The following RALYL variants were observed in gnomAD, a reference collection of about 807,000 sequenced individuals.
The protein encoded by RALYL is RNA-binding Raly-like protein.
Under a neutral mutation model 35.1 loss-of-function variants are expected in RALYL, and 29 were observed. That is an observed-to-expected ratio of 0.83 (90% CI 0.61 to 1.13). RALYL has a LOEUF of 1.13. Among genes scored for constraint, RALYL ranks in the 50% most tolerant of loss-of-function variants. RALYL has a pLI of 0.00. For missense variants in RALYL, 359 were observed against 360.4 expected (o/e 1.00, Z 0.03); for synonymous variants, 120 against 127.6 (o/e 0.94, Z 0.40).
chr8:84,254,420 C>T (rs1165038789), intron 1 of RALYL, among the ~76,000 whole-genome samples: 1 of 152,068 alleles, frequency 6.6e-6, no homozygotes, highest in Admixed American at 6.6e-5. Flanking sequence ...GAAATTTTGT[C>T]TCCTTGGCTA....
At chr8:84,478,184 T>C (rs1394207868) in intron 1 of RALYL, among the ~76,000 whole-genome samples, 4 of 152,140 alleles carry the variant, frequency 2.6e-5, no homozygotes, top group African/African-American at 7.2e-5. Flanking sequence ...ATTTACTTTA[T>C]GTTGATACAT....
chr8:84,342,927 T>A (rs1328957463), intron 1 of RALYL, among the ~76,000 whole-genome samples: 1 of 152,050 alleles, frequency 6.6e-6, no homozygotes, highest in Non-Finnish European at 1.5e-5. Flanking sequence ...CATAATAGAA[T>A]TATGCCAATC....
At chr8:84,673,445 C>T (rs534035427) in intron 2 of RALYL, among the ~76,000 whole-genome samples, 4 of 151,970 alleles carry the variant, frequency 2.6e-5, no homozygotes, top group Non-Finnish European at 4.4e-5. Flanking sequence ...AATTTTTGCT[C>T]GTACCTATAT....
chr8:84,574,001 T>G (rs1808705634), intron 2 of RALYL, among the ~76,000 whole-genome samples: 1 of 152,040 alleles, frequency 6.6e-6, no homozygotes, highest in African/African-American at 2.4e-5. Context: ...ATTACAAATT[T>G]TAGATTCTTC....
intron 2 of RALYL, among the ~76,000 whole-genome samples, chr8:84,646,905 A>G (rs978780369): frequency 3.3e-5 from 5 of 151,984 alleles, no homozygotes; most frequent in South Asian, 2.1e-4. Context: ...TCTCACTTTG[A>G]TGATGATTTT....
At chr8:84,528,124 CTTA>C (rs2059031829) in intron 1 of RALYL, among the ~76,000 whole-genome samples, 1 of 152,082 alleles carries the variant, frequency 6.6e-6, no homozygotes, top group Admixed American at 6.6e-5. Flanking sequence ...ATCAGATGCA[CTTA>C]TTTTTGTAGC....
intron 2 of RALYL, among the ~76,000 whole-genome samples, chr8:84,732,259 C>G (rs1279843702): frequency 6.6e-6 from 1 of 152,032 alleles, no homozygotes; most frequent in African/African-American, 2.4e-5. Context: ...CAACATAGAA[C>G]AGGTATTCAG....
At chr8:84,608,396 T>A (rs1817615256) in intron 2 of RALYL, among the ~76,000 whole-genome samples, 2 of 152,242 alleles carry the variant, frequency 1.3e-5, no homozygotes, top group East Asian at 3.9e-4. Flanking sequence ...TTCCTCCTCT[T>A]ACCCTCTTGC....
chr8:84,721,856 C>A (rs1273429289), intron 2 of RALYL, among the ~76,000 whole-genome samples: 2 of 152,068 alleles, frequency 1.3e-5, no homozygotes, highest in Non-Finnish European at 2.9e-5. Context: ...TAACATAATG[C>A]ACACTTTCTT....
intron 2 of RALYL, among the ~76,000 whole-genome samples, chr8:84,542,210 C>T (rs2060065752): frequency 6.6e-6 from 1 of 151,944 alleles, no homozygotes; most frequent in African/African-American, 2.4e-5. Flanking sequence ...TCAGCTTATA[C>T]CATTTTACTT....
chr8:84,525,749 A>C (rs891288991), intron 1 of RALYL, among the ~76,000 whole-genome samples: 1 of 151,798 alleles, frequency 6.6e-6, no homozygotes, highest in East Asian at 1.9e-4. Context: ...CAGTTTCATC[A>C]CCATTCAGTG....
intron 1 of RALYL, among the ~76,000 whole-genome samples, chr8:84,316,298 G>T (rs1399706804): frequency 9.2e-5 from 14 of 152,048 alleles, no homozygotes; most frequent in Non-Finnish European, 1.5e-5. Flanking sequence ...TTTTGTACTG[G>T]TGGTATTTCT....
Position 84,466,768 on chromosome 8 carries a change from G to A in RALYL, c.-23-62531G>A, listed in dbSNP as rs1372911947. ...GTAGAATTCGGCTGTGAATCCATCT[G>A]GTCCTGGACTCTTTTGGTTGGTAAG... On this transcript the variant is annotated intron_variant, in intron 1 of 8. Transcript: ENST00000521268. 1.1e-4 allele frequency among the ~76,000 whole-genome samples: 15 copies of A among 131,870 alleles called. No individual in the cohort carries two copies. The South Asian group carries it at 4.4e-3, about 38-fold the overall frequency. 86.5% of individuals were successfully genotyped at this position (131,870 alleles called of 152,430 possible).
rs1179013108 is a variant in RALYL, at chr8:84,887,674, T to C, written c.756T>C (p.Asp252=). 1 of 1,613,530 alleles carries C rather than the reference T, an allele frequency of 6.2e-7. No homozygotes were observed. Among genetic ancestry groups the C allele is most frequent in the African/African-American group, 1.3e-5 (1 of 74,846 alleles). Reference sequence around the variant, plus strand: ...AGGAATGTGTGTCAGAGATTGCAGATCACTCTACAGAGGAGCCTGCTGAAG... The same window carrying C: ...AGGAATGTGTGTCAGAGATTGCAGACCACTCTACAGAGGAGCCTGCTGAAG... ...IQEECVSEIA[D]HSTEEPAEGG... is the part of the protein sequence containing the mutation. The change falls in exon 8 of 9, where the codon GAT becomes GAC. Residue 252 remains aspartate (D), a synonymous_variant. Transcript: ENST00000521268.
chr8:84,433,850 T>G (rs1211535616), intron 1 of RALYL, among the ~76,000 whole-genome samples: 1 of 151,438 alleles, frequency 6.6e-6, no homozygotes, highest in Non-Finnish European at 1.5e-5. Flanking sequence ...TGTGTATATA[T>G]ATATATATAT....
chr8:84,533,363 G>A (rs1262279080), intron 2 of RALYL, among the ~76,000 whole-genome samples: 6 of 152,040 alleles, frequency 3.9e-5, no homozygotes, highest in Admixed American at 6.6e-5. Flanking sequence ...AGTCACATAC[G>A]AAGTGTCCTT....
chr8:84,382,920 TC>T (rs1374788350), intron 1 of RALYL, among the ~76,000 whole-genome samples: 3 of 151,800 alleles, frequency 2.0e-5, no homozygotes, highest in Non-Finnish European at 4.4e-5. Context: ...TCCAGAATTT[TC>T]CCACTGAGAG....
intron 2 of RALYL, among the ~76,000 whole-genome samples, chr8:84,634,189 G>T (rs552505444): frequency 2.6e-5 from 4 of 151,810 alleles, no homozygotes; most frequent in South Asian, 2.1e-4. Flanking sequence ...ATTATAACAT[G>T]CTCTAGTCAC....
chr8:84,339,477 C>A (rs1394302745), intron 1 of RALYL, among the ~76,000 whole-genome samples: 1 of 151,798 alleles, frequency 6.6e-6, no homozygotes, highest in Non-Finnish European at 1.5e-5. Flanking sequence ...GTCATTGTCT[C>A]CCAGATGGGA....
Sources: allele counts gnomAD v4.1 joint callset (sites outside exome capture counted in the v4.1 genomes callset), GRCh38; gene constraint gnomAD v4.1.1; transcripts MANE v1.5; gene names NCBI Gene and HGNC (gene_info 2026-07-23, HGNC 2026-07-21).